GCNT2: variants seen among roughly 807,000 people sequenced by gnomAD.
The protein encoded by GCNT2 is N-acetyllactosaminide beta-1,6-N-acetylglucosaminyl-transferase.
In GCNT2, 34 loss-of-function variants were observed where a neutral mutation model predicts 34.2. The ratio of observed to expected loss-of-function variants is 1.00; its 90% CI spans 0.76 to 1.32. GCNT2 has a LOEUF of 1.32. Ranked by LOEUF, GCNT2 falls within the 40% of genes most tolerant of loss-of-function variation. GCNT2 has a pLI of 0.00. For missense variants in GCNT2, 584 were observed against 489.4 expected, an observed-to-expected ratio of 1.19 and a Z score of -1.82; for synonymous variants, 212 against 188.0, an observed-to-expected ratio of 1.13 and a Z score of -1.04.
intron 3 of GCNT2, among the ~76,000 whole-genome samples, chr6:10,571,489 A>C (rs1210420187): frequency 6.6e-6 from 1 of 152,036 alleles, no homozygotes; most frequent in East Asian, 1.9e-4. Flanking sequence ...AGTAACTAGG[A>C]TTACAGGCGC....
At position 10,606,676 on chromosome 6, in the gene GCNT2, A is replaced by C. The variant is rs372395448; in HGVS notation, c.926-14675A>C. Among the ~76,000 whole-genome samples the C allele has an allele frequency of 1.2e-4, 5 of 41,728 alleles. No individual in the cohort carries two copies. The African/African-American group carries it at 1.3e-3, about 11-fold the overall frequency. The allele number at this position is 41,728 out of a possible 152,430, so 27.4% of individuals were successfully genotyped here. A position where few individuals can be genotyped will look rare whatever the true frequency, so the allele number is the denominator to read the frequency against. On this transcript the variant is annotated intron_variant, in intron 3 of 4. Transcript: ENST00000495262. ...GAAATTTCCATTAAAGAAATTTAAT[A>C]GTGGTTGAGAAATTTTTAAAATCGC...
At chr6:10,574,638 A>G (rs1345116978) in intron 3 of GCNT2, 2 of 271,740 alleles carry the variant, frequency 7.4e-6, no homozygotes, top group African/African-American at 2.2e-5. Context: ...TGAACTATAG[A>G]CCATGGGCTA....
chr6:10,540,084 AAAGG>A lies in GCNT2; in HGVS notation c.925+10255_925+10258del, dbSNP rs201729671. Among the ~76,000 whole-genome samples the A allele has an allele frequency of 5.9e-3, 884 of 151,086 alleles. 4 individuals are homozygous for A. The highest frequency in any genetic ancestry group is 0.021 in the African/African-American group (835 of 40,568). On this transcript the variant is annotated intron_variant, in intron 3 of 4. Transcript: ENST00000495262. ...CAGAGTGAGACCCCATCTCAAAAAA[AAAGG>A]AAGGAAAGGAAGGAAGGAAAAGGAA...
intron 3 of GCNT2, chr6:10,574,710 A>G: frequency 2.4e-6 from 1 of 424,968 alleles, no homozygotes; most frequent in South Asian, 2.4e-5. Flanking sequence ...TGTTTGTTTT[A>G]CAGTCTAGAG....
intron 3 of GCNT2, among the ~76,000 whole-genome samples, chr6:10,592,392 C>G (rs1341764618): frequency 6.6e-6 from 1 of 152,126 alleles, no homozygotes; most frequent in Non-Finnish European, 1.5e-5. Flanking sequence ...CTAGGCTCTT[C>G]CCAGGTCAGT....
At chr6:10,590,293 G>C (rs1764573695) in intron 3 of GCNT2, among the ~76,000 whole-genome samples, 1 of 151,952 alleles carries the variant, frequency 6.6e-6, no homozygotes, top group African/African-American at 2.4e-5. Context: ...CAGTTACTCA[G>C]GAGGCTGAGG....
intron 3 of GCNT2, among the ~76,000 whole-genome samples, chr6:10,602,798 G>A (rs1765140424): frequency 6.6e-6 from 1 of 152,140 alleles, no homozygotes; most frequent in Admixed American, 6.5e-5. Flanking sequence ...GGTGAAGAAG[G>A]CACTGTGTGC....
At chr6:10,580,691 G>C (rs1008858924) in intron 3 of GCNT2, among the ~76,000 whole-genome samples, 3 of 151,980 alleles carry the variant, frequency 2.0e-5, no homozygotes, top group African/African-American at 7.3e-5. Flanking sequence ...GAGTAGGTCC[G>C]ACTCGGGTTC....
chr6:10,613,408 G>GA (rs1022278937), intron 3 of GCNT2, among the ~76,000 whole-genome samples: 16 of 151,740 alleles, frequency 1.1e-4, no homozygotes, highest in African/African-American at 3.9e-4. Context: ...TAGAAATAAT[G>GA]AAAAATAGGC....
chr6:10,619,535 G>A (rs1048175338), intron 3 of GCNT2: 4 of 151,920 alleles, frequency 2.6e-5, no homozygotes, highest in African/African-American at 9.7e-5. Context: ...AAAATTTTTA[G>A]TAGAGATAGG....
intron 3 of GCNT2, chr6:10,581,885 C>T: frequency 1.0e-6 from 1 of 984,280 alleles, no homozygotes; most frequent in South Asian, 4.7e-5. Context: ...ATGAAGGCAT[C>T]AAAATGGGTT....
At chr6:10,566,928 C>A (rs919891979) in intron 3 of GCNT2, among the ~76,000 whole-genome samples, 1 of 152,196 alleles carries the variant, frequency 6.6e-6, no homozygotes, top group African/African-American at 2.4e-5. Flanking sequence ...TCCCAAGGCT[C>A]ACTAATGTTA....
At chr6:10,617,750 CTTTTTTTTTT>C (rs3064178) in intron 3 of GCNT2, among the ~76,000 whole-genome samples, 5 of 101,700 alleles carry the variant, frequency 4.9e-5, no homozygotes, top group African/African-American at 1.5e-4. Flanking sequence ...TGCATTTCTT[CTTTTTTTTTT>C]TTTTTTTTTT....
intron 3 of GCNT2, among the ~76,000 whole-genome samples, chr6:10,541,577 A>C (rs912418299): frequency 6.6e-6 from 1 of 152,180 alleles, no homozygotes; most frequent in African/African-American, 2.4e-5. Flanking sequence ...AGAAAAGTAA[A>C]ATCATTAATT....
chr6:10,533,673 C>T (rs1303315572), intron 3 of GCNT2, among the ~76,000 whole-genome samples: 1 of 151,456 alleles, frequency 6.6e-6, no homozygotes, highest in Non-Finnish European at 1.5e-5. Context: ...CCTGTAACCC[C>T]AGCTACTCGG....
At chr6:10,574,752 C>A in intron 3 of GCNT2, 1 of 568,382 alleles carries the variant, frequency 1.8e-6, no homozygotes, top group South Asian at 1.6e-5. Context: ...CCTATGATGC[C>A]ATGAATTCGT....
chr6:10,574,281 G>T (rs981917412), intron 3 of GCNT2, among the ~76,000 whole-genome samples: 1 of 152,164 alleles, frequency 6.6e-6, no homozygotes, highest in African/African-American at 2.4e-5. Context: ...ACCAGTTTCG[G>T]TGGGCATCAG....
At chr6:10,574,822 C>T (rs1200742075) in intron 3 of GCNT2, 1 of 648,144 alleles carries the variant, frequency 1.5e-6, no homozygotes, top group African/African-American at 1.8e-5. Flanking sequence ...GTGTGCTACT[C>T]TGGGTGGAGC....
intron 3 of GCNT2, among the ~76,000 whole-genome samples, chr6:10,553,832 C>T (rs112206304): frequency 0.065 from 9,956 of 152,184 alleles, 957 homozygotes; most frequent in African/African-American, 0.21. Context: ...AGGTCAAGGC[C>T]GCAGTGAGAC....
Sources: gnomAD v4.1 joint callset for allele counts (sites outside exome capture counted in the v4.1 genomes callset) on GRCh38, gnomAD v4.1.1 for gene constraint, MANE v1.5 for transcripts, NCBI Gene and HGNC (gene_info 2026-07-23, HGNC 2026-07-21) for gene names.